The following IL7 variants were observed in gnomAD, a reference collection of about 807,000 sequenced individuals.
IL7 encodes interleukin 7, also known as interleukin-7.
Under a neutral mutation model 21.6 loss-of-function variants are expected in IL7, and 3 were observed. The ratio of observed to expected loss-of-function variants is 0.14; its 90% CI spans 0.06 to 0.36. IL7 has a LOEUF of 0.36. Ranked by LOEUF, IL7 falls within the 10% of genes least tolerant of loss-of-function variation. The pLI is 1.00. For missense variants in IL7, 175 were observed against 200.2 expected (o/e 0.87, Z 0.76); for synonymous variants, 62 against 68.1 (o/e 0.91, Z 0.44).
intron 4 of IL7, among the ~76,000 whole-genome samples, chr8:78,737,685 A>G (rs963923363): frequency 1.1e-4 from 16 of 152,286 alleles, no homozygotes; most frequent in Admixed American, 4.6e-4. Context: ...GGAAACTACT[A>G]GTGCTCAAAC....
At chr8:78,710,628 A>G (rs1408074165) in intron 3 of IL7, among the ~76,000 whole-genome samples, 1 of 152,088 alleles carries the variant, frequency 6.6e-6, no homozygotes, top group Admixed American at 6.5e-5. Context: ...TTCCAGAATC[A>G]TGTAAGATAA....
chr8:78,687,678 C>T lies in IL7; in HGVS notation n.215-1731G>A, dbSNP rs1285263041. 1.8e-5 allele frequency among the ~76,000 whole-genome samples: 2 copies of T among 110,506 alleles called. 1 individual carries two copies. The highest frequency in any genetic ancestry group is 6.5e-5 in the African/African-American group (2 of 30,688). 72.5% of individuals were successfully genotyped at this position (110,506 alleles called of 152,430 possible). The stretch of plus-strand genomic sequence containing the variant: ...ATACATTATATATATTTACGTAATA[C>T]ATTATATATATTTACGTAATACATT... On this transcript the variant is annotated intron_variant and non_coding_transcript_variant, in intron 3 of 4. Coordinates refer to the IL7 transcript ENST00000523959.
At chr8:78,747,184 AT>A (rs1812007555) in intron 2 of IL7, 1 of 262,134 alleles carries the variant, frequency 3.8e-6, no homozygotes, top group Non-Finnish European at 7.1e-6. Context: ...AATATACTTC[AT>A]TGCTTTTTTT....
chr8:78,733,064 C>CT lies in IL7; in HGVS notation c.*648dup, dbSNP rs1242312445. On this transcript the variant is annotated 3_prime_UTR_variant, in exon 6 of 6. Transcript: ENST00000263851. Reference sequence around the variant, plus strand: ...TTTATTTTATTTTTTTGAAATTGTCCTTTTTTCATGTCAAAACATTTGCTA... The same window carrying CT: ...TTTATTTTATTTTTTTGAAATTGTCCTTTTTTTCATGTCAAAACATTTGCTA... The CT allele has an allele frequency of 6.6e-6, 1 of 151,444 alleles. No individual in the cohort carries two copies. Among genetic ancestry groups the CT allele is most frequent in the African/African-American group, 2.4e-5 (1 of 41,240 alleles). 9.4% of individuals were successfully genotyped at this position (151,444 alleles called of 1,614,324 possible).
chr8:78,738,360 T>G (rs1423666941), intron 4 of IL7, 144 bp downstream of exon 4: 2 of 658,546 alleles, frequency 3.0e-6, no homozygotes, highest in African/African-American at 3.7e-5. Flanking sequence ...TTTCCTCTTC[T>G]AGGATTGAGT....
At chr8:78,789,720 A>T (rs756090778) in intron 2 of IL7, among the ~76,000 whole-genome samples, 11 of 152,192 alleles carry the variant, frequency 7.2e-5, no homozygotes, top group Non-Finnish European at 1.0e-4. Flanking sequence ...AACTAAGACT[A>T]GTAGTAGAAG....
intron 2 of IL7, among the ~76,000 whole-genome samples, chr8:78,795,659 T>C (rs1813829858): frequency 6.6e-6 from 1 of 152,080 alleles, no homozygotes; most frequent in Non-Finnish European, 1.5e-5. Flanking sequence ...TTATAAATGT[T>C]GAACTAGCAC....
chr8:78,714,911 A>C (rs1193866613), downstream of IL7, among the ~76,000 whole-genome samples: 1 of 152,216 alleles, frequency 6.6e-6, no homozygotes, highest in Admixed American at 6.5e-5. Flanking sequence ...TTTGAGGGAA[A>C]TATAAATTTA....
At chr8:78,745,163 A>G (rs142035513) in intron 2 of IL7, among the ~76,000 whole-genome samples, 1 of 152,210 alleles carries the variant, frequency 6.6e-6, no homozygotes, top group Admixed American at 6.5e-5. Context: ...TGTTCTTTAC[A>G]TTTGTAGAAT....
At chr8:78,676,969 GATAGTCATCTGCTATCCTC>G (rs1272997260) in intron 4 of IL7, among the ~76,000 whole-genome samples, 7 of 152,086 alleles carry the variant, frequency 4.6e-5, no homozygotes, top group Admixed American at 2.0e-4. Flanking sequence ...GGGTCCACTA[GATAGTCATCTGCTATCCTC>G]ATTTTTTAAA....
At chr8:78,684,410 A>C (rs1809888279) in intron 4 of IL7, among the ~76,000 whole-genome samples, 1 of 152,210 alleles carries the variant, frequency 6.6e-6, no homozygotes, top group Non-Finnish European at 1.5e-5. Context: ...CATGAGACTC[A>C]TTCACTGTCA....
At chr8:78,713,691 A>T (rs769644211), downstream of IL7, among the ~76,000 whole-genome samples, 8 of 152,178 alleles carry the variant, frequency 5.3e-5, no homozygotes, top group Non-Finnish European at 1.0e-4. Flanking sequence ...TTTAGAAGTA[A>T]TTTAAAGAAG....
rs1814284838 is a variant in IL7, at chr8:78,805,109, G to A, written c.-187C>T. 1 of 583,812 alleles carries A rather than the reference G, an allele frequency of 1.7e-6. No individual in the cohort carries two copies. The highest frequency in any genetic ancestry group is 2.2e-5 in the South Asian group (1 of 44,616). 36.2% of individuals were successfully genotyped at this position (583,812 alleles called of 1,614,324 possible). ...TGCAGTTTCATCCATCCCAAGGGGG[G>A]CGGCACACACTACGGCGTGGCTCTG... On this transcript the variant is annotated 5_prime_UTR_variant, in exon 1 of 6. Transcript: ENST00000263851.
At chr8:78,675,994 A>C in exon 5 of IL7, 1 of 649,944 alleles carries the variant, frequency 1.5e-6, no homozygotes, top group East Asian at 3.0e-5. Flanking sequence ...TCTTTGTTCA[A>C]GGGTCTTGAT....
intron 2 of IL7, among the ~76,000 whole-genome samples, chr8:78,792,825 A>C (rs994440137): frequency 6.6e-6 from 1 of 152,146 alleles, no homozygotes; most frequent in Admixed American, 6.6e-5. Context: ...AACTGCTGAT[A>C]GAAACGCAAA....
At chr8:78,719,904 G>A (rs1028294473) in intron 5 of IL7, 8 of 151,676 alleles carry the variant, frequency 5.3e-5, no homozygotes, top group Admixed American at 3.9e-4. Flanking sequence ...GTATTCTTAT[G>A]CCATCAGCTT....
chr8:78,782,565 C>T (rs953063736), intron 2 of IL7, among the ~76,000 whole-genome samples: 7 of 152,170 alleles, frequency 4.6e-5, no homozygotes, highest in Non-Finnish European at 8.8e-5. Flanking sequence ...GGCTGCGCAA[C>T]AGCAAAGATG....
intron 4 of IL7, among the ~76,000 whole-genome samples, chr8:78,676,986 C>T (rs1240211201): frequency 6.6e-6 from 1 of 151,854 alleles, no homozygotes. Context: ...ATCTGCTATC[C>T]TCATTTTTTA....
chr8:78,687,879 ATATT>A (rs929106629), intron 3 of IL7, among the ~76,000 whole-genome samples: 1 of 130,974 alleles, frequency 7.6e-6, no homozygotes, highest in Non-Finnish European at 1.6e-5. Flanking sequence ...TAATAAATAT[ATATT>A]TATATAATAA....
Sources: allele counts gnomAD v4.1 joint callset (sites outside exome capture counted in the v4.1 genomes callset), GRCh38; gene constraint gnomAD v4.1.1; transcripts MANE v1.5; gene names NCBI Gene and HGNC (gene_info 2026-07-23, HGNC 2026-07-21).